Variants in NADK observed in about 807,000 individuals in gnomAD.
NADK encodes NAD kinase, also known as poly(P)/ATP NAD kinase.
Under a neutral mutation model 49.8 loss-of-function variants are expected in NADK, and 22 were observed. The ratio of observed to expected loss-of-function variants is 0.44; its 90% CI spans 0.32 to 0.63. NADK has a LOEUF of 0.63. Among genes scored for constraint, NADK ranks in the 30% least tolerant of loss-of-function variants. The pLI is 0.06. For missense variants in NADK, 438 were observed against 609.4 expected, an observed-to-expected ratio of 0.72 and a Z score of 2.96; for synonymous variants, 268 against 253.7, an observed-to-expected ratio of 1.06 and a Z score of -0.54.
At chr1:1,755,234 C>T in intron 7 of NADK, 140 bp downstream of exon 7, 1 of 707,120 alleles carries the variant, frequency 1.4e-6, no homozygotes, top group Non-Finnish European at 2.4e-6. Context: ...TTGAACCACT[C>T]AAGATTTAGA....
intron 1 of NADK, among the ~76,000 whole-genome samples, chr1:1,774,605 C>T (rs528134510): frequency 1.9e-3 from 286 of 151,774 alleles, no homozygotes; most frequent in African/African-American, 6.6e-3. Flanking sequence ...GTGGCCACTG[C>T]GCGCGGCCAC....
chr1:1,754,954 T>C lies in NADK; in HGVS notation c.689-256A>G. The C allele has an allele frequency of 6.4e-6, 3 of 471,970 alleles. No homozygotes were observed. Among genetic ancestry groups the C allele is most frequent in the Non-Finnish European group, 7.5e-6 (2 of 266,034 alleles). The allele number at this position is 471,970 out of a possible 1,614,324, so 29.2% of individuals were successfully genotyped here. On this transcript the variant is annotated intron_variant, in intron 7 of 11. Coordinates refer to ENST00000341426, the MANE Select transcript of NADK (RefSeq NM_023018.5). This position sits in a 1 kb window ranked among gnomAD's most constrained non-coding sequence, Gnocchi z 4.3. ...CTCCTGCCTCAGCCTCCCAAGTAGC[T>C]GGAACTACGGGTGCGCACCACCACG...
chr1:1,753,024 G>A lies in NADK; in HGVS notation c.1221C>T (p.Ser407=). ...CGCTCACGGGGTCCCGCACACAGAT[G>A]GAGGGGAGCGGGTAGCATGAGGTAG... ...SITTSCYPLP[S]ICVRDPVSDW... The change falls in exon 12 of 12, where the codon TCC becomes TCT. Residue 407 remains serine, a synonymous_variant. Coordinates refer to ENST00000341426, the MANE Select transcript of NADK (RefSeq NM_023018.5). The A allele has an allele frequency of 3.1e-6, 5 of 1,611,070 alleles. No homozygotes were observed. Among genetic ancestry groups the A allele is most frequent in the Non-Finnish European group, 4.2e-6 (5 of 1,178,954 alleles).
At chr1:1,758,674 T>C in intron 3 of NADK, 4 of 1,318,420 alleles carry the variant, frequency 3.0e-6, no homozygotes, top group Non-Finnish European at 3.9e-6. Flanking sequence ...CTTATAAAAA[T>C]CAAACAAAAC....
chr1:1,753,957 G>A (rs1174481999), intron 10 of NADK, 94 bp downstream of exon 10: 5 of 1,451,334 alleles, frequency 3.4e-6, no homozygotes, highest in African/African-American at 1.4e-5. Context: ...TGAGGCTGGA[G>A]CCAGCATGGC....
At chr1:1,767,855 G>T (rs750037706) in intron 1 of NADK, among the ~76,000 whole-genome samples, 2 of 152,042 alleles carry the variant, frequency 1.3e-5, no homozygotes, top group Non-Finnish European at 2.9e-5. Flanking sequence ...CTTCCAGTGT[G>T]GCTGAATATG....
rs1053292901 is a variant in NADK, at chr1:1,773,760, G to A, written c.-41+4529C>T. Among the ~76,000 whole-genome samples the A allele has an allele frequency of 2.0e-5, 3 of 148,270 alleles. No individual in the cohort carries two copies. The Admixed American group carries it at 2.0e-4, about 10-fold the overall frequency. On this transcript the variant is annotated intron_variant, in intron 1 of 11. Transcript: ENST00000341426. ...AGAGAGAGAAATAGAGATATTGAGA[G>A]ACTGAGAGGTAGGGTCTTGCTCTGT...
Position 1,753,784 on chromosome 1 carries a change from C to T in NADK, c.1102-135G>A, listed in dbSNP as rs942438783. On this transcript the variant is annotated intron_variant, in intron 10 of 11. Coordinates refer to ENST00000341426, the MANE Select transcript of NADK (RefSeq NM_023018.5). ...GCCTTGCGGACGGTGCAGTGCACGT[C>T]CTACAGGCACCGGCCCAGCTCAGCA... 1.1e-5 allele frequency: 9 copies of T among 838,914 alleles called. No individual in the cohort carries two copies. The Admixed American group carries it at 2.2e-4, about 21-fold the overall frequency. 52.0% of individuals were successfully genotyped at this position (838,914 alleles called of 1,614,324 possible). A position where few individuals can be genotyped will look rare whatever the true frequency, so the allele number is the denominator to read the frequency against.
chr1:1,752,622 T>A lies in NADK; in HGVS notation c.*282A>T. 2.8e-6 allele frequency: 1 copy of A among 355,530 alleles called. No homozygotes were observed. The highest frequency in any genetic ancestry group is 5.1e-6 in the Non-Finnish European group (1 of 196,682). 22.0% of individuals were successfully genotyped at this position (355,530 alleles called of 1,614,324 possible). A position where few individuals can be genotyped will look rare whatever the true frequency, so the allele number is the denominator to read the frequency against. On this transcript the variant is annotated 3_prime_UTR_variant, in exon 12 of 12. Coordinates refer to ENST00000341426, the MANE Select transcript of NADK (RefSeq NM_023018.5). ...CGGAAAAATATCCTGGCATGGAAAT[T>A]GCGGCAGCTGGAGGCCGCGCTCCAG... is the stretch of plus-strand genomic sequence containing the variant.
intron 3 of NADK, chr1:1,758,501 G>T (rs780637749): frequency 5.6e-6 from 9 of 1,610,750 alleles, no homozygotes; most frequent in Admixed American, 5.0e-5. Context: ...CAGCATCCAG[G>T]CCACGCTTGG....
intron 1 of NADK, among the ~76,000 whole-genome samples, chr1:1,776,571 C>T (rs1646215959): frequency 6.6e-6 from 1 of 151,904 alleles, no homozygotes. Flanking sequence ...GTCAGGAGTT[C>T]GAGACAAGCC....
intron 1 of NADK, among the ~76,000 whole-genome samples, chr1:1,771,173 G>A (rs1646042550): frequency 6.7e-6 from 1 of 149,644 alleles, no homozygotes; most frequent in Admixed American, 6.7e-5. Context: ...AAAATATGTG[G>A]GGATATATTT....
At chr1:1,776,330 G>C (rs1646209169) in intron 1 of NADK, among the ~76,000 whole-genome samples, 1 of 152,180 alleles carries the variant, frequency 6.6e-6, no homozygotes, top group African/African-American at 2.4e-5. Context: ...GGATTTATGA[G>C]TCAAACAGGT....
chr1:1,755,645 T>G (rs1426297723), intron 6 of NADK, among the ~76,000 whole-genome samples, 169 bp from the exon 7 acceptor site: 2 of 151,524 alleles, frequency 1.3e-5, no homozygotes, highest in African/African-American at 2.4e-5. Flanking sequence ...CAGGCCAGGG[T>G]GGGCCGGGCC....
chr1:1,752,286 C>G lies in NADK; in HGVS notation c.*618G>C, dbSNP rs1645349969. 1.3e-5 allele frequency: 2 copies of G among 152,610 alleles called. No individual in the cohort carries two copies. The highest frequency in any genetic ancestry group is 2.4e-5 in the African/African-American group (1 of 41,472). The allele number at this position is 152,610 out of a possible 1,614,324, so 9.5% of individuals were successfully genotyped here. ...AGGAATGTGTGGGTCGCTGGCGATGCCAGCCCCCTTCCCGCTGAGTGTCCC... is the reference window on the plus strand; with the variant it reads ...AGGAATGTGTGGGTCGCTGGCGATGGCAGCCCCCTTCCCGCTGAGTGTCCC... On this transcript the variant is annotated 3_prime_UTR_variant, in exon 12 of 12. Transcript: ENST00000341426.
chr1:1,761,910 C>T (rs765300011), intron 3 of NADK, 42 bp downstream of exon 3: 20 of 1,574,082 alleles, frequency 1.3e-5, no homozygotes, highest in Admixed American at 6.7e-5. Context: ...TAGGGGTTCT[C>T]TCCCTTCCAA....
chr1:1,764,264 C>T (rs192252903), intron 2 of NADK, among the ~76,000 whole-genome samples: 3 of 152,328 alleles, frequency 2.0e-5, no homozygotes, highest in East Asian at 1.9e-4. Flanking sequence ...TAGGCAGCGC[C>T]GGCTCTGGCA....
intron 2 of NADK, among the ~76,000 whole-genome samples, chr1:1,764,992 T>TA (rs1353043974): frequency 6.6e-6 from 1 of 152,110 alleles, no homozygotes; most frequent in Non-Finnish European, 1.5e-5. Context: ...TACAGACAGA[T>TA]AGAGAAACAC....
intron 4 of NADK, 192 bp downstream of exon 4, chr1:1,756,989 G>A (rs1645546872): frequency 3.1e-6 from 3 of 964,020 alleles, no homozygotes; most frequent in Non-Finnish European, 4.9e-6. Flanking sequence ...TGGTCACCCA[G>A]TCTGGTGCTT....
Sources: gnomAD v4.1 joint callset for allele counts (sites outside exome capture counted in the v4.1 genomes callset) on GRCh38, gnomAD v4.1.1 for gene constraint, Gnocchi (gnomAD v3.1) non-coding constraint, MANE v1.5 for transcripts, NCBI Gene and HGNC (gene_info 2026-07-23, HGNC 2026-07-21) for gene names.